Variants in SHANK2 observed in about 807,000 individuals in gnomAD.
The protein encoded by SHANK2 is SH3 and multiple ankyrin repeat domains protein 2.
In SHANK2, 43 loss-of-function variants were observed where a neutral mutation model predicts 133.7. The ratio of observed to expected loss-of-function variants is 0.32; its 90% CI spans 0.25 to 0.41. The LOEUF (loss-of-function observed/expected upper bound fraction) is 0.41, where lower values mean the gene tolerates loss of function less well. Among genes scored for constraint, SHANK2 ranks in the 10% least tolerant of loss-of-function variants. The pLI, the probability that SHANK2 is intolerant of heterozygous loss-of-function variation, is 1.00. For synonymous variants in SHANK2, 1,017 were observed against 952.8 expected (o/e 1.07, Z -1.24); for missense variants, 1,994 against 2,235.8 (o/e 0.89, Z 2.18).
At chr11:70,897,091 C>T (rs894141004) in intron 10 of SHANK2, among the ~76,000 whole-genome samples, 8 of 152,170 alleles carry the variant, frequency 5.3e-5, no homozygotes, top group Admixed American at 5.2e-4. Flanking sequence ...ATGAGTGGCA[C>T]CAAAACCATC....
At chr11:70,584,528 A>G (rs951597993) in intron 17 of SHANK2, among the ~76,000 whole-genome samples, 5 of 151,588 alleles carry the variant, frequency 3.3e-5, no homozygotes, top group African/African-American at 1.2e-4. Context: ...CCATCACCCC[A>G]GGGCTGGGTA....
chr11:70,537,812 C>T (rs782017733), intron 17 of SHANK2, among the ~76,000 whole-genome samples: 1 of 152,172 alleles, frequency 6.6e-6, no homozygotes, highest in Non-Finnish European at 1.5e-5. Context: ...CAACAGGGAC[C>T]GTGTGTGCGG....
At chr11:71,097,381 C>T (rs1190210103) in intron 6 of SHANK2, among the ~76,000 whole-genome samples, 1 of 152,130 alleles carries the variant, frequency 6.6e-6, no homozygotes, top group Non-Finnish European at 1.5e-5. Flanking sequence ...CACTATCACT[C>T]CCCTGATGAG....
intron 2 of SHANK2, among the ~76,000 whole-genome samples, chr11:71,173,930 C>G (rs1953367646): frequency 6.6e-6 from 1 of 152,200 alleles, no homozygotes. Flanking sequence ...TTGAAGTGAG[C>G]ACGGCCCTGC....
chr11:71,183,982 TC>T (rs1312216012), intron 2 of SHANK2, among the ~76,000 whole-genome samples: 1 of 152,062 alleles, frequency 6.6e-6, no homozygotes, highest in African/African-American at 2.4e-5. Flanking sequence ...CGCTTGTACT[TC>T]CCCATTTCAC....
At chr11:70,876,868 T>C (rs1038975893) in intron 11 of SHANK2, among the ~76,000 whole-genome samples, 3 of 152,174 alleles carry the variant, frequency 2.0e-5, no homozygotes, top group Non-Finnish European at 4.4e-5. Context: ...CCCTGTCTAG[T>C]GGCCACTCCA....
At chr11:70,632,542 A>G (rs543042573) in intron 17 of SHANK2, among the ~76,000 whole-genome samples, 1 of 152,190 alleles carries the variant, frequency 6.6e-6, no homozygotes, top group African/African-American at 2.4e-5. Context: ...CCTTGATAAC[A>G]ATCCAAATTG....
intron 1 of SHANK2, among the ~76,000 whole-genome samples, chr11:71,249,215 G>A (rs1302258410): frequency 1.3e-5 from 2 of 152,128 alleles, no homozygotes; most frequent in Non-Finnish European, 2.9e-5. Context: ...ATGGCAAGGG[G>A]TGGGGGACTC....
intron 17 of SHANK2, among the ~76,000 whole-genome samples, chr11:70,542,822 C>T (rs7121058): frequency 0.057 from 8,714 of 152,266 alleles, 586 homozygotes; most frequent in African/African-American, 0.15. Context: ...TCCTAACTCC[C>T]GGGCACCATA....
chr11:70,658,931 G>A (rs1322946792), intron 17 of SHANK2, among the ~76,000 whole-genome samples: 8 of 152,076 alleles, frequency 5.3e-5, no homozygotes, highest in Admixed American at 2.0e-4. Context: ...GGAAGAGCGC[G>A]TGCATCCAAG....
chr11:70,727,933 G>A (rs548303002), intron 14 of SHANK2, among the ~76,000 whole-genome samples: 26 of 152,368 alleles, frequency 1.7e-4, no homozygotes, highest in African/African-American at 4.6e-4. Context: ...CAAAGGAGGC[G>A]AGAGGTGTTC....
intron 23 of SHANK2, 84 bp from the exon 24 acceptor site, chr11:70,489,432 G>A (rs1166698210): frequency 5.8e-6 from 8 of 1,370,040 alleles, no homozygotes; most frequent in Admixed American, 5.0e-5. Flanking sequence ...TGCAGGGGGA[G>A]CTTTAAGCAC....
intron 8 of SHANK2, among the ~76,000 whole-genome samples, chr11:71,081,455 C>T (rs1414751897): frequency 6.6e-6 from 1 of 152,190 alleles, no homozygotes; most frequent in African/African-American, 2.4e-5. Context: ...GCCCACCTTC[C>T]CCATGGAGCC....
At chr11:71,078,408 T>C (rs976154896) in intron 8 of SHANK2, among the ~76,000 whole-genome samples, 6 of 151,650 alleles carry the variant, frequency 4.0e-5, no homozygotes, top group African/African-American at 4.9e-5. Flanking sequence ...TAAAAAAAAA[T>C]CTCCATTTAG....
chr11:71,197,566 T>C (rs1232123024), intron 2 of SHANK2, among the ~76,000 whole-genome samples: 1 of 152,242 alleles, frequency 6.6e-6, no homozygotes, highest in African/African-American at 2.4e-5. Flanking sequence ...CTCTATCAGA[T>C]GGTGAATCCT....
intron 17 of SHANK2, among the ~76,000 whole-genome samples, chr11:70,547,293 C>G (rs2059707178): frequency 1.3e-5 from 2 of 152,188 alleles, no homozygotes; most frequent in South Asian, 4.1e-4. Context: ...CAGAGTCTCG[C>G]TCTGTTGCCC....
chr11:71,233,099 C>T (rs1246470571), intron 1 of SHANK2, among the ~76,000 whole-genome samples: 1 of 151,804 alleles, frequency 6.6e-6, no homozygotes, highest in Non-Finnish European at 1.5e-5. Flanking sequence ...GTGGCTTGAG[C>T]CCATAAGTGT....
chr11:70,497,301 C>G (rs1268575980), intron 21 of SHANK2, among the ~76,000 whole-genome samples: 1 of 152,282 alleles, frequency 6.6e-6, no homozygotes, highest in East Asian at 1.9e-4. Flanking sequence ...TCCTGCTTCT[C>G]ATTCTAGGCT....
intron 15 of SHANK2, among the ~76,000 whole-genome samples, chr11:70,684,815 CG>C (rs1387255885): frequency 1.3e-5 from 2 of 152,048 alleles, no homozygotes; most frequent in African/African-American, 4.8e-5. Context: ...CCTGTCTGAC[CG>C]GCTGCAGCCC....
Sources: gnomAD v4.1 joint callset for allele counts (sites outside exome capture counted in the v4.1 genomes callset) on GRCh38, gnomAD v4.1.1 for gene constraint, MANE v1.5 for transcripts, NCBI Gene and HGNC (gene_info 2026-07-23, HGNC 2026-07-21) for gene names.